The following NRBF2 variants were observed in gnomAD, a reference collection of about 807,000 sequenced individuals.
The protein encoded by NRBF2 is nuclear receptor-binding factor 2.
A neutral mutation model predicts 28.5 loss-of-function variants in NRBF2; 12 were observed. The observed-to-expected ratio is 0.42, with a 90% confidence interval of 0.27 to 0.68. The LOEUF (loss-of-function observed/expected upper bound fraction) is 0.68. Among genes scored for constraint, NRBF2 ranks in the 30% least tolerant of loss-of-function variants. The pLI, the probability that NRBF2 is intolerant of heterozygous loss-of-function variation, is 0.24. For synonymous variants in NRBF2, 102 were observed against 116.5 expected, an observed-to-expected ratio of 0.88 and a Z score of 0.80; for missense variants, 274 against 333.5, an observed-to-expected ratio of 0.82 and a Z score of 1.39.
intron 3 of NRBF2, among the ~76,000 whole-genome samples, chr10:63,153,099 T>C (rs1001844632): frequency 4.5e-4 from 69 of 152,220 alleles, no homozygotes; most frequent in African/African-American, 1.7e-3. Context: ...AGCCACTAGT[T>C]TCTCAAACTG....
At chr10:63,150,779 C>T (rs1841635564) in intron 2 of NRBF2, among the ~76,000 whole-genome samples, 1 of 152,188 alleles carries the variant, frequency 6.6e-6, no homozygotes. Context: ...TGTTTTCCTG[C>T]AGCTAGACAG....
chr10:63,134,808 C>T (rs533464131), intron 1 of NRBF2, among the ~76,000 whole-genome samples: 7 of 152,184 alleles, frequency 4.6e-5, no homozygotes, highest in African/African-American at 1.7e-4. Context: ...TGTTGTGAGG[C>T]GCCCCTCCCT....
chr10:63,139,320 C>T (rs771265367), intron 1 of NRBF2, among the ~76,000 whole-genome samples: 25 of 152,106 alleles, frequency 1.6e-4, no homozygotes, highest in Non-Finnish European at 3.2e-4. Context: ...GCCTGGTGTT[C>T]CTTTTCTTTT....
intron 1 of NRBF2, among the ~76,000 whole-genome samples, chr10:63,142,778 TTC>T (rs1491005840): frequency 6.1e-5 from 6 of 98,322 alleles, no homozygotes; most frequent in Non-Finnish European, 1.2e-4. Flanking sequence ...CTTTCTTTCT[TTC>T]TTTTTTTTTT....
chr10:63,140,639 G>T (rs1487224483), intron 1 of NRBF2, among the ~76,000 whole-genome samples: 1 of 151,328 alleles, frequency 6.6e-6, no homozygotes, highest in Non-Finnish European at 1.5e-5. Context: ...GTCTCAAGCA[G>T]CCCTCCCACC....
chr10:63,153,030 T>C (rs1227574238), intron 3 of NRBF2, among the ~76,000 whole-genome samples: 4 of 152,144 alleles, frequency 2.6e-5, no homozygotes, highest in Admixed American at 6.5e-5. Context: ...TAAAAACTTT[T>C]TGTTATAAAA....
At chr10:63,152,515 A>G (rs1841666457) in intron 3 of NRBF2, among the ~76,000 whole-genome samples, 1 of 152,228 alleles carries the variant, frequency 6.6e-6, no homozygotes, top group African/African-American at 2.4e-5. Context: ...ACAGTCAGTA[A>G]ACAGGCCTGG....
At chr10:63,150,085 G>A (rs1004091172) in intron 2 of NRBF2, among the ~76,000 whole-genome samples, 1 of 151,666 alleles carries the variant, frequency 6.6e-6, no homozygotes, top group African/African-American at 2.4e-5. Context: ...GGGATTACAG[G>A]TGCCTGCCAC....
chr10:63,146,102 G>A (rs1841556502), intron 1 of NRBF2, 107 bp from the exon 2 acceptor site: 1 of 818,672 alleles, frequency 1.2e-6, no homozygotes, highest in Non-Finnish European at 2.1e-6. Context: ...GATTTGATAT[G>A]TGGCAACAAA....
intron 1 of NRBF2, among the ~76,000 whole-genome samples, chr10:63,145,542 A>T (rs1171442995): frequency 1.3e-5 from 2 of 152,236 alleles, no homozygotes; most frequent in African/African-American, 4.8e-5. Context: ...AAGTGTAAGG[A>T]GGCCAGTGAC....
At chr10:63,140,826 G>A (rs1017436520) in intron 1 of NRBF2, among the ~76,000 whole-genome samples, 4 of 151,162 alleles carry the variant, frequency 2.6e-5, no homozygotes, top group Admixed American at 6.6e-5. Context: ...TCAGCCTCCC[G>A]AGTAGCTGGG....
intron 1 of NRBF2, among the ~76,000 whole-genome samples, chr10:63,135,749 C>T (rs1841365895): frequency 6.6e-6 from 1 of 151,010 alleles, no homozygotes; most frequent in Non-Finnish European, 1.5e-5. Flanking sequence ...CTGGTTTAAG[C>T]GATTCTTCTG....
intron 1 of NRBF2, 67 bp downstream of exon 1, chr10:63,133,567 C>T (rs577077529): frequency 5.8e-6 from 7 of 1,208,814 alleles, no homozygotes; most frequent in Middle Eastern, 1.9e-4. Context: ...GCCCCGTCCC[C>T]GGCGCGTCGG....
At chr10:63,135,549 C>T (rs1351159545) in intron 1 of NRBF2, among the ~76,000 whole-genome samples, 3 of 151,764 alleles carry the variant, frequency 2.0e-5, no homozygotes, top group Admixed American at 1.3e-4. Context: ...TAAAACGGAG[C>T]GAGTTTCGAC....
chr10:63,136,593 A>C (rs535170727), intron 1 of NRBF2, among the ~76,000 whole-genome samples: 2 of 152,196 alleles, frequency 1.3e-5, no homozygotes, highest in Non-Finnish European at 2.9e-5. Context: ...TTTACAGATA[A>C]ATAAGCCTAA....
At chr10:63,151,062 C>T (rs1841640973) in intron 2 of NRBF2, among the ~76,000 whole-genome samples, 1 of 152,152 alleles carries the variant, frequency 6.6e-6, no homozygotes, top group African/African-American at 2.4e-5. Context: ...TAGACCAGTA[C>T]CGGCCTGGGG....
chr10:63,147,394 A>G (rs574551661), intron 2 of NRBF2, among the ~76,000 whole-genome samples: 11 of 150,672 alleles, frequency 7.3e-5, no homozygotes, highest in African/African-American at 2.4e-4. Flanking sequence ...GTCTCAGCTC[A>G]CTGCAACTTC....
intron 1 of NRBF2, among the ~76,000 whole-genome samples, chr10:63,142,780 C>CTTTCTTTTTTTTTT (rs1554821458): frequency 1.3e-3 from 101 of 74,932 alleles, no homozygotes; most frequent in African/African-American, 5.5e-3. Flanking sequence ...TTCTTTCTTT[C>CTTTCTTTTTTTTTT]TTTTTTTTTT....
chr10:63,140,665 G>A (rs775309048), intron 1 of NRBF2, among the ~76,000 whole-genome samples: 3 of 151,028 alleles, frequency 2.0e-5, no homozygotes, highest in Non-Finnish European at 2.9e-5. Flanking sequence ...CTCACAGAGC[G>A]CTGGGATTAT....
Sources: allele counts gnomAD v4.1 joint callset (sites outside exome capture counted in the v4.1 genomes callset), GRCh38; gene constraint gnomAD v4.1.1; transcripts MANE v1.5; gene names NCBI Gene and HGNC (gene_info 2026-07-23, HGNC 2026-07-21).